The following SEC14L5 variants were observed in gnomAD, a reference collection of about 807,000 sequenced individuals.
SEC14L5 encodes the protein SEC14-like protein 5.
Under a neutral mutation model 84.6 loss-of-function variants are expected in SEC14L5, and 96 were observed. The ratio of observed to expected loss-of-function variants is 1.13; its 90% CI spans 0.96 to 1.34. The LOEUF (loss-of-function observed/expected upper bound fraction) is 1.34. Among genes scored for constraint, SEC14L5 ranks in the 40% most tolerant of loss-of-function variants. The pLI, the probability that SEC14L5 is intolerant of heterozygous loss-of-function variation, is 0.00. For missense variants in SEC14L5, 1,224 were observed against 942.5 expected, an observed-to-expected ratio of 1.30 and a Z score of -3.91; for synonymous variants, 546 against 383.4, an observed-to-expected ratio of 1.42 and a Z score of -4.95.
At chr16:4,964,927 C>T (rs894265532) in intron 2 of SEC14L5, among the ~76,000 whole-genome samples, 4 of 152,074 alleles carry the variant, frequency 2.6e-5, no homozygotes, top group Admixed American at 2.6e-4. Flanking sequence ...CATGGGGTTT[C>T]ACCGTGTTGG....
At chr16:4,970,829 G>C (rs1266549562) in intron 2 of SEC14L5, among the ~76,000 whole-genome samples, 1 of 152,232 alleles carries the variant, frequency 6.6e-6, no homozygotes, top group East Asian at 1.9e-4. Context: ...ACTAGACCTG[G>C]CTGGGTGCGG....
At chr16:5,010,279 G>A (rs552288474) in intron 14 of SEC14L5, among the ~76,000 whole-genome samples, 24 of 149,156 alleles carry the variant, frequency 1.6e-4, no homozygotes, top group African/African-American at 5.0e-4. Flanking sequence ...CAGGAGAATC[G>A]CTTGAACCTA....
intron 2 of SEC14L5, among the ~76,000 whole-genome samples, chr16:4,970,410 C>T (rs926464454): frequency 6.6e-6 from 1 of 152,134 alleles, no homozygotes; most frequent in South Asian, 2.1e-4. Flanking sequence ...TAATGGGACC[C>T]CAGTGCAAGT....
At chr16:4,976,769 C>T (rs191346326) in intron 2 of SEC14L5, among the ~76,000 whole-genome samples, 4 of 152,346 alleles carry the variant, frequency 2.6e-5, no homozygotes, top group Admixed American at 2.6e-4. Context: ...GATGTCCTCT[C>T]CAGCCACCTG....
At chr16:4,966,815 G>A (rs895995442) in intron 2 of SEC14L5, among the ~76,000 whole-genome samples, 8 of 152,192 alleles carry the variant, frequency 5.3e-5, no homozygotes, top group South Asian at 4.1e-4. Flanking sequence ...CTGAGCTGGC[G>A]TCTGGGCCAA....
chr16:4,968,368 G>A (rs12922333), intron 2 of SEC14L5, among the ~76,000 whole-genome samples: 42,040 of 151,906 alleles, frequency 0.28, 5,930 homozygotes, highest in Admixed American at 0.34. Context: ...TAGCACAGAC[G>A]GGGTTTCTCC....
At chr16:4,992,101 T>A in intron 6 of SEC14L5, 71 bp downstream of exon 6, 2 of 1,072,716 alleles carry the variant, frequency 1.9e-6, no homozygotes, top group Non-Finnish European at 2.6e-6. Context: ...TGGGGGGCCC[T>A]GGGGCATGTT....
In SEC14L5 at chr16:5,016,243, T is replaced by C. The variant is rs1024087235; in HGVS notation, c.*1273T>C. On this transcript the variant is annotated 3_prime_UTR_variant, in exon 16 of 16. Coordinates refer to ENST00000251170, the MANE Select transcript of SEC14L5 (RefSeq NM_014692.2). ...CCCCTAGTTACTACACAGGAGCGTCTTGGGTCTCCTTGGGGCCTGAGGACA... is the reference window on the plus strand; with the variant it reads ...CCCCTAGTTACTACACAGGAGCGTCCTGGGTCTCCTTGGGGCCTGAGGACA... 8 of 152,214 alleles carry C rather than the reference T, an allele frequency of 5.3e-5. No individual in the cohort carries two copies. Among genetic ancestry groups the C allele is most frequent in the African/African-American group, 1.2e-4 (5 of 41,456 alleles). The allele number at this position is 152,214 out of a possible 1,614,324, so 9.4% of individuals were successfully genotyped here.
intron 2 of SEC14L5, among the ~76,000 whole-genome samples, chr16:4,960,399 C>G (rs1568096546): frequency 6.6e-6 from 1 of 152,140 alleles, no homozygotes; most frequent in Non-Finnish European, 1.5e-5. Context: ...CTGTCCCACC[C>G]CAGCACTGAC....
chr16:5,003,462 G>A lies in SEC14L5; in HGVS notation c.1191G>A (p.Gly397=). ...ACATGCGGCACCTGTGGCGGCCGGG[G>A]GTGAAGGCCCTGCTGCGGATGATTG... ...GLNMRHLWRP[G]VKALLRMIEV... Residue 397 remains glycine (G), a synonymous_variant, in exon 11 of 16, where the codon GGG becomes GGA. Transcript: ENST00000251170. 1 of 1,613,304 alleles carries A rather than the reference G, an allele frequency of 6.2e-7. No individual in the cohort carries two copies. Among genetic ancestry groups the A allele is most frequent in the Non-Finnish European group, 8.5e-7 (1 of 1,179,628 alleles).
At chr16:4,967,125 A>G (rs1018047195) in intron 2 of SEC14L5, among the ~76,000 whole-genome samples, 4 of 152,176 alleles carry the variant, frequency 2.6e-5, no homozygotes, top group African/African-American at 7.2e-5. Context: ...TTAGAACAAC[A>G]TAAGTTCATT....
chr16:5,002,443 C>T (rs931809706), intron 10 of SEC14L5, among the ~76,000 whole-genome samples: 6 of 151,934 alleles, frequency 3.9e-5, no homozygotes, highest in South Asian at 4.2e-4. Context: ...ATTACAGGTG[C>T]CTGCCACCAC....
intron 12 of SEC14L5, among the ~76,000 whole-genome samples, chr16:5,006,599 C>T (rs1480534772): frequency 6.6e-6 from 1 of 152,140 alleles, no homozygotes; most frequent in Non-Finnish European, 1.5e-5. Context: ...CTCATATGGC[C>T]CCCAGTGGCC....
chr16:5,005,169 G>T (rs1249707260), intron 11 of SEC14L5, among the ~76,000 whole-genome samples: 1 of 152,170 alleles, frequency 6.6e-6, no homozygotes, highest in Non-Finnish European at 1.5e-5. Context: ...ACAAAAATTA[G>T]CCAGGCATGG....
intron 2 of SEC14L5, among the ~76,000 whole-genome samples, chr16:4,986,441 G>A (rs1955488115): frequency 6.6e-6 from 1 of 152,138 alleles, no homozygotes. Flanking sequence ...CACCTGGCCT[G>A]CTACCACGTC....
intron 11 of SEC14L5, among the ~76,000 whole-genome samples, chr16:5,004,850 TAAAC>T (rs887410776): frequency 1.3e-5 from 2 of 152,150 alleles, no homozygotes; most frequent in African/African-American, 4.8e-5. Flanking sequence ...CCATCTGGAA[TAAAC>T]AAACTGTGGA....
chr16:4,983,743 G>T (rs1371002931), intron 2 of SEC14L5, among the ~76,000 whole-genome samples: 1 of 151,806 alleles, frequency 6.6e-6, no homozygotes, highest in Non-Finnish European at 1.5e-5. Context: ...AGGGTGTAGT[G>T]GCGTGTGCCT....
chr16:4,988,128 T>G, intron 3 of SEC14L5, 21 bp from the exon 4 acceptor site: 4 of 1,172,960 alleles, frequency 3.4e-6, no homozygotes, highest in Non-Finnish European at 4.8e-6. Flanking sequence ...CACCTCCGCC[T>G]CCCCGCCCCT....
intron 11 of SEC14L5, among the ~76,000 whole-genome samples, chr16:5,005,495 T>C (rs576582322): frequency 3.0e-4 from 45 of 152,064 alleles, no homozygotes; most frequent in Admixed American, 2.8e-3. Context: ...AGCTAGTGAG[T>C]GCACTGAAAG....
Sources: gnomAD v4.1 joint callset for allele counts (sites outside exome capture counted in the v4.1 genomes callset) on GRCh38, gnomAD v4.1.1 for gene constraint, MANE v1.5 for transcripts, NCBI Gene and HGNC (gene_info 2026-07-23, HGNC 2026-07-21) for gene names.